Variants in DPF1 observed in about 807,000 individuals in gnomAD.
DPF1 encodes zinc finger protein neuro-d4.
Under a neutral mutation model 58.7 loss-of-function variants are expected in DPF1, and 14 were observed. The ratio of observed to expected loss-of-function variants is 0.24; its 90% CI spans 0.16 to 0.37. The LOEUF is 0.37. Among genes scored for constraint, DPF1 ranks in the 10% least tolerant of loss-of-function variants. DPF1 has a pLI of 1.00. For missense variants in DPF1, 345 were observed against 529.9 expected, an observed-to-expected ratio of 0.65 and a Z score of 3.43; for synonymous variants, 216 against 216.0, an observed-to-expected ratio of 1.00 and a Z score of 0.00.
Position 38,222,823 on chromosome 19 carries a change from C to T in DPF1, c.30-115G>A. ...AGGCTCGGGAGGGGTGGGCCGACCC[C>T]TCCAGCCTCACCTCTCCCCTCCTCC... On this transcript the variant is annotated intron_variant, in intron 1 of 11. Coordinates refer to ENST00000355526, the MANE Select transcript of DPF1 (RefSeq NM_001135155.3). This position sits in a 1 kb window ranked among gnomAD's most constrained non-coding sequence, Gnocchi z 4.9. 2 of 1,352,620 alleles carry T rather than the reference C, an allele frequency of 1.5e-6. No homozygotes were observed. Among genetic ancestry groups the T allele is most frequent in the Non-Finnish European group, 1.9e-6 (2 of 1,038,304 alleles). The allele number at this position is 1,352,620 out of a possible 1,614,324, so 83.8% of individuals were successfully genotyped here. A position where few individuals can be genotyped will look rare whatever the true frequency, so the allele number is the denominator to read the frequency against.
Position 38,218,924 on chromosome 19 carries a change from G to A in DPF1, c.426+7C>T, listed in dbSNP as rs753844729. The A allele has an allele frequency of 1.9e-6, 3 of 1,613,872 alleles. No homozygotes were observed. The South Asian group carries it at 3.3e-5, about 18-fold the overall frequency. ...ATGCAGCGGGGGTCCCCCAGAGGTG[G>A]GCCCACCTGACAGTCCATAATGGTC... is the stretch of plus-strand genomic sequence containing the variant. On this transcript the variant is annotated splice_region_variant and intron_variant, in intron 4 of 11. Coordinates refer to ENST00000355526, the MANE Select transcript of DPF1 (RefSeq NM_001135155.3).
chr19:38,226,503 TACACAC>T (rs60328056), upstream of DPF1, among the ~76,000 whole-genome samples: 17 of 133,702 alleles, frequency 1.3e-4, no homozygotes, highest in African/African-American at 2.0e-4. Context: ...CGGTCACTTC[TACACAC>T]ACACACACAC....
intron 7 of DPF1, 68 bp downstream of exon 7, chr19:38,217,392 C>G: frequency 9.4e-7 from 1 of 1,060,012 alleles, no homozygotes; most frequent in Non-Finnish European, 1.3e-6. Context: ...CCCACCCCCA[C>G]CCCCAGCTGG....
intron 3 of DPF1, among the ~76,000 whole-genome samples, chr19:38,220,126 T>G: frequency 6.9e-6 from 1 of 144,966 alleles, no homozygotes. Context: ...ATGCGGAGGT[T>G]GCAGTGAGCC....
chr19:38,224,327 C>T (rs1354200584), upstream of DPF1: 10 of 1,234,176 alleles, frequency 8.1e-6, no homozygotes, highest in Admixed American at 3.0e-4. This position sits in a 1 kb window ranked among gnomAD's most constrained non-coding sequence, Gnocchi z 4.5. Flanking sequence ...GGCCAGGGGG[C>T]CCCCGGGACC....
upstream of DPF1, among the ~76,000 whole-genome samples, chr19:38,225,814 A>G (rs947895554): frequency 1.1e-4 from 17 of 148,536 alleles, no homozygotes; most frequent in Admixed American, 1.1e-3. Flanking sequence ...GGTTGAACCC[A>G]GGAGATCGAA....
chr19:38,229,628 G>C lies in DPF1; in HGVS notation c.-201C>G. 1 of 1,016,750 alleles carries C rather than the reference G, an allele frequency of 9.8e-7. No homozygotes were observed. The highest frequency in any genetic ancestry group is 1.2e-6 in the Non-Finnish European group (1 of 848,798). 63.0% of individuals were successfully genotyped at this position (1,016,750 alleles called of 1,614,324 possible). A position where few individuals can be genotyped will look rare whatever the true frequency, so the allele number is the denominator to read the frequency against. On this transcript the variant is annotated 5_prime_UTR_variant, in exon 1 of 12. Transcript: ENST00000412732. The surrounding 1 kb of genome is among the most constrained non-coding windows in gnomAD (Gnocchi z 5.3). ...TGGGCCGCCTCCGGCCCGGGGCGCC[G>C]CTGCCGCCGCGCGCGGGCCCAGCCC...
chr19:38,213,578 A>G, intron 10 of DPF1, 66 bp downstream of exon 10: 1 of 1,413,196 alleles, frequency 7.1e-7, no homozygotes, highest in Non-Finnish European at 9.9e-7. Flanking sequence ...TTTAGGCTTA[A>G]GGGGCAGAGG....
In DPF1 at chr19:38,218,568, G is replaced by A; in HGVS notation, c.516+5C>T. ...GCGGGGAAGAGGAGAAGCTTGGGGT[G>A]ATACCTTTCCTTTGGCCCTGTTCTT... On this transcript the variant is annotated splice_donor_5th_base_variant and intron_variant, in intron 5 of 11. Transcript: ENST00000355526. 3 of 1,613,984 alleles carry A rather than the reference G, an allele frequency of 1.9e-6. No homozygotes were observed. The highest frequency in any genetic ancestry group is 1.1e-5 in the South Asian group (1 of 91,070).
intron 3 of DPF1, among the ~76,000 whole-genome samples, chr19:38,220,628 G>A (rs28702669): frequency 7.5e-5 from 10 of 134,184 alleles, no homozygotes; most frequent in South Asian, 6.0e-4. Context: ...AAAAAAAAAA[G>A]AAAAAGAAAA....
At chr19:38,218,061 G>T (rs1466569586) in intron 5 of DPF1, among the ~76,000 whole-genome samples, 185 bp from the exon 6 acceptor site, 1 of 152,144 alleles carries the variant, frequency 6.6e-6, no homozygotes, top group Non-Finnish European at 1.5e-5. Context: ...AATTAGCTGG[G>T]CATGGTGGCG....
At chr19:38,214,384 C>CG (rs1413632328) in intron 9 of DPF1, among the ~76,000 whole-genome samples, 1 of 152,212 alleles carries the variant, frequency 6.6e-6, no homozygotes, top group Non-Finnish European at 1.5e-5. Flanking sequence ...CCTGCAACCA[C>CG]GGCCCCGGTG....
upstream of DPF1, among the ~76,000 whole-genome samples, chr19:38,224,788 A>T (rs1967746070): frequency 6.6e-6 from 1 of 152,210 alleles, no homozygotes; most frequent in African/African-American, 2.4e-5. The surrounding 1 kb of genome is among the most constrained non-coding windows in gnomAD (Gnocchi z 4.5). Context: ...TAGAAACAGT[A>T]GTCACACCTC....
chr19:38,227,113 C>T (rs545953537), upstream of DPF1, among the ~76,000 whole-genome samples: 5 of 147,314 alleles, frequency 3.4e-5, no homozygotes, highest in South Asian at 2.2e-4. Context: ...GCGTCTCACT[C>T]GATGGCCCAG....
intron 10 of DPF1, among the ~76,000 whole-genome samples, chr19:38,213,083 G>C (rs1322010865): frequency 6.6e-6 from 1 of 151,706 alleles, no homozygotes; most frequent in Non-Finnish European, 1.5e-5. Flanking sequence ...CACCTCCTGG[G>C]CTCAAGCCAT....
chr19:38,212,711 T>G (rs1395366453), intron 10 of DPF1, among the ~76,000 whole-genome samples: 1 of 150,688 alleles, frequency 6.6e-6, no homozygotes, highest in Non-Finnish European at 1.5e-5. Flanking sequence ...TCCTTGGGGC[T>G]CAAGTGATTC....
chr19:38,225,269 A>T (rs1967766045), upstream of DPF1, among the ~76,000 whole-genome samples: 1 of 151,522 alleles, frequency 6.6e-6, no homozygotes, highest in Admixed American at 6.6e-5. Flanking sequence ...AAATAATAAG[A>T]AAGAAAGAAT....
rs370460157 is a variant in DPF1, at chr19:38,218,582, G to T, written c.507C>A (p.Ala169=). 3 of 1,614,008 alleles carry T rather than the reference G, an allele frequency of 1.9e-6. No individual in the cohort carries two copies. Among genetic ancestry groups the T allele is most frequent in the Non-Finnish European group, 2.5e-6 (3 of 1,180,020 alleles). Residue 169 remains alanine (A), a synonymous_variant, in exon 5 of 12, where the codon GCC becomes GCA. Coordinates refer to ENST00000355526, the MANE Select transcript of DPF1 (RefSeq NM_001135155.3). ...EDDIPRRKNR[A]KGKAYGIGGL... ...AAGCTTGGGGTGATACCTTTCCTTT[G>T]GCCCTGTTCTTCCTCCTGGGAATGT...
At chr19:38,220,622 AAAAAAG>A (rs201354799) in intron 3 of DPF1, among the ~76,000 whole-genome samples, 7,481 of 151,662 alleles carry the variant, frequency 0.049, 510 homozygotes, top group East Asian at 0.25. Flanking sequence ...TCTCAAAAAA[AAAAAAG>A]AAAAAGAAAA....
Sources: gnomAD v4.1 joint callset for allele counts (sites outside exome capture counted in the v4.1 genomes callset) on GRCh38, gnomAD v4.1.1 for gene constraint, Gnocchi (gnomAD v3.1) non-coding constraint, MANE v1.5 for transcripts, NCBI Gene and HGNC (gene_info 2026-07-23, HGNC 2026-07-21) for gene names.